Variants in LMO1 observed in about 807,000 individuals in gnomAD.
LMO1 encodes LIM domain only 1.
LMO1 carries 10 observed loss-of-function variants against 18.0 expected under a neutral mutation model. The observed-to-expected ratio is 0.55, with a 90% CI of 0.34 to 0.94. The LOEUF (loss-of-function observed/expected upper bound fraction) is 0.94, where lower values mean the gene tolerates loss of function less well. Among genes scored for constraint, LMO1 ranks in the 40% least tolerant of loss-of-function variants. The pLI is 0.02. For missense variants in LMO1, 183 were observed against 205.7 expected, an observed-to-expected ratio of 0.89 and a Z score of 0.68; for synonymous variants, 77 against 77.9, an observed-to-expected ratio of 0.99 and a Z score of 0.06.
intron 1 of LMO1, among the ~76,000 whole-genome samples, chr11:8,245,019 T>C (rs1846871263): frequency 6.6e-6 from 1 of 152,252 alleles, no homozygotes; most frequent in South Asian, 2.1e-4. Context: ...CTACCTTCTG[T>C]GTGCCTGGTA....
At chr11:8,226,912 C>T in intron 3 of LMO1, 63 bp downstream of exon 3, 1 of 1,555,200 alleles carries the variant, frequency 6.4e-7, no homozygotes, top group South Asian at 1.2e-5. Context: ...GCTCCTGGCC[C>T]ATCCCAGCAG....
chr11:8,254,964 C>T (rs1433215972), intron 1 of LMO1, among the ~76,000 whole-genome samples: 1 of 152,150 alleles, frequency 6.6e-6, no homozygotes, highest in South Asian at 2.1e-4. Context: ...TCCTAAGGTT[C>T]TTATGGGTAT....
intron 1 of LMO1, among the ~76,000 whole-genome samples, chr11:8,237,699 G>A (rs1952785420): frequency 6.6e-6 from 1 of 152,264 alleles, no homozygotes; most frequent in Non-Finnish European, 1.5e-5. Flanking sequence ...GGCAGGGAGA[G>A]GAAGGCTGAG....
At chr11:8,245,512 C>A (rs1046697131) in intron 1 of LMO1, among the ~76,000 whole-genome samples, 1 of 152,140 alleles carries the variant, frequency 6.6e-6, no homozygotes, top group South Asian at 2.1e-4. Flanking sequence ...TTTACAGAAG[C>A]CCTTGAGGTG....
intron 1 of LMO1, among the ~76,000 whole-genome samples, chr11:8,234,050 G>A (rs1952718462): frequency 6.6e-6 from 1 of 152,180 alleles, no homozygotes; most frequent in Non-Finnish European, 1.5e-5. Context: ...TCAGATGCAT[G>A]CGCTGGGCCC....
At chr11:8,238,724 C>T (rs1016792843) in intron 1 of LMO1, among the ~76,000 whole-genome samples, 5 of 144,894 alleles carry the variant, frequency 3.5e-5, no homozygotes, top group East Asian at 4.0e-4. Context: ...AGGTGGGGGA[C>T]ATATTATCAA....
At chr11:8,230,663 C>T (rs1952642443) in intron 1 of LMO1, among the ~76,000 whole-genome samples, 159 bp from the exon 2 acceptor site, 1 of 152,182 alleles carries the variant, frequency 6.6e-6, no homozygotes, top group African/African-American at 2.4e-5. Context: ...AACCTCCTCC[C>T]CTGGCTCCGG....
chr11:8,263,188 C>A (rs1353656423), intron 1 of LMO1, 150 bp downstream of exon 1: 18 of 643,490 alleles, frequency 2.8e-5, no homozygotes, highest in Non-Finnish European at 3.8e-5. Flanking sequence ...TACTTCCCCC[C>A]GCCCCAGCCC....
chr11:8,253,589 C>T (rs1283065694), intron 1 of LMO1, among the ~76,000 whole-genome samples: 1 of 151,964 alleles, frequency 6.6e-6, no homozygotes, highest in Non-Finnish European at 1.5e-5. Flanking sequence ...CGCAGGTAGC[C>T]CCACACAGTC....
intron 1 of LMO1, among the ~76,000 whole-genome samples, chr11:8,244,978 C>T (rs946704632): frequency 3.3e-5 from 5 of 152,236 alleles, no homozygotes; most frequent in South Asian, 2.1e-4. Context: ...CCTCTTCACC[C>T]CTCCTCGTGT....
intron 1 of LMO1, among the ~76,000 whole-genome samples, chr11:8,256,081 TCC>T (rs1339473190): frequency 1.3e-5 from 2 of 152,300 alleles, no homozygotes; most frequent in East Asian, 3.9e-4. Context: ...CGCCTCGGCC[TCC>T]CAAAGTGCTG....
intron 1 of LMO1, among the ~76,000 whole-genome samples, chr11:8,240,433 C>T (rs1430024656): frequency 2.6e-5 from 4 of 152,208 alleles, no homozygotes; most frequent in Non-Finnish European, 5.9e-5. Flanking sequence ...TTTGGGGCAA[C>T]AGCAACAGCC....
In LMO1 at chr11:8,231,749, C is replaced by T. The variant is rs550386753; in HGVS notation, c.26-1245G>A. ...GTCCTCTCCAAAGGACCCCTGCTCTCTCCAGGGCTCTGGCCTTCCTCCCAT... is the reference window on the plus strand; with the variant it reads ...GTCCTCTCCAAAGGACCCCTGCTCTTTCCAGGGCTCTGGCCTTCCTCCCAT... On this transcript the variant is annotated intron_variant, in intron 1 of 3. Transcript: ENST00000335790. 1.6e-4 allele frequency among the ~76,000 whole-genome samples: 24 copies of T among 152,236 alleles called. No homozygotes were observed. The East Asian group carries it at 4.3e-3, about 27-fold the overall frequency.
intron 1 of LMO1, among the ~76,000 whole-genome samples, chr11:8,253,087 G>A (rs390294): frequency 0.052 from 7,958 of 152,226 alleles, 443 homozygotes; most frequent in East Asian, 0.27. Flanking sequence ...GGAGTGTTTC[G>A]AGGAGAGGAG....
intron 1 of LMO1, among the ~76,000 whole-genome samples, chr11:8,232,379 G>C (rs533154018): frequency 6.6e-6 from 1 of 152,304 alleles, no homozygotes; most frequent in South Asian, 2.1e-4. Context: ...CTGGGGAGCA[G>C]ATACCCCTGA....
intron 1 of LMO1, among the ~76,000 whole-genome samples, chr11:8,238,944 A>ATT (rs1952807779): frequency 6.6e-6 from 1 of 152,178 alleles, no homozygotes; most frequent in Non-Finnish European, 1.5e-5. Flanking sequence ...AAACCCCACC[A>ATT]TTTACTCAGC....
intron 1 of LMO1, among the ~76,000 whole-genome samples, chr11:8,255,087 T>C (rs140895804): frequency 1.6e-3 from 240 of 152,304 alleles, no homozygotes; most frequent in African/African-American, 5.6e-3. Flanking sequence ...ACCTCCTACC[T>C]TCAAGAGCAG....
chr11:8,256,984 A>G (rs1363893648), intron 1 of LMO1, among the ~76,000 whole-genome samples: 1 of 152,238 alleles, frequency 6.6e-6, no homozygotes, highest in Non-Finnish European at 1.5e-5. Context: ...GGGTAGGTCC[A>G]GAGTCCCAGA....
Position 8,263,787 on chromosome 11 carries a change from T to C in LMO1, c.-425A>G, listed in dbSNP as rs1847230587. ...TTCAGCCTCATAAAGTGTTTTCCCCTCGGATTTAATCTGAATCTCAATCTA... is the reference window on the plus strand; with the variant it reads ...TTCAGCCTCATAAAGTGTTTTCCCCCCGGATTTAATCTGAATCTCAATCTA... On this transcript the variant is annotated 5_prime_UTR_variant, in exon 1 of 4. Coordinates refer to ENST00000335790, the MANE Select transcript of LMO1 (RefSeq NM_002315.3). 38 of 1,071,740 alleles carry C rather than the reference T, an allele frequency of 3.5e-5. No homozygotes were observed. Among genetic ancestry groups the C allele is most frequent in the Non-Finnish European group, 4.1e-5 (36 of 884,408 alleles). The allele number at this position is 1,071,740 out of a possible 1,614,324, so 66.4% of individuals were successfully genotyped here.
Sources: allele counts gnomAD v4.1 joint callset (sites outside exome capture counted in the v4.1 genomes callset), GRCh38; gene constraint gnomAD v4.1.1; transcripts MANE v1.5; gene names NCBI Gene and HGNC (gene_info 2026-07-23, HGNC 2026-07-21).